The following ADK variants were observed in gnomAD, a reference collection of about 807,000 sequenced individuals.
ADK encodes adenosine kinase.
A neutral mutation model predicts 44.7 loss-of-function variants in ADK; 24 were observed. That is an observed-to-expected ratio of 0.54 (90% CI 0.39 to 0.76). The LOEUF is 0.76. Among genes scored for constraint, ADK ranks in the 30% least tolerant of loss-of-function variants. ADK has a pLI of 0.00. For synonymous variants in ADK, 128 were observed against 142.6 expected (o/e 0.90, Z 0.73); for missense variants, 321 against 425.1 (o/e 0.76, Z 2.15).
intron 1 of ADK, among the ~76,000 whole-genome samples, chr10:74,186,190 T>TCCGTC (rs1842755825): frequency 7.0e-6 from 1 of 143,546 alleles, no homozygotes; most frequent in African/African-American, 2.6e-5. Flanking sequence ...GCCTTCCCTT[T>TCCGTC]CCTTCCCTTC....
intron 9 of ADK, among the ~76,000 whole-genome samples, chr10:74,628,974 G>T (rs952559104): frequency 4.6e-5 from 7 of 152,078 alleles, no homozygotes; most frequent in African/African-American, 1.4e-4. Context: ...TAGAACAGAA[G>T]CTTTGCAGTC....
chr10:74,645,458 T>G (rs1854021881), intron 9 of ADK, among the ~76,000 whole-genome samples: 1 of 152,200 alleles, frequency 6.6e-6, no homozygotes, highest in Non-Finnish European at 1.5e-5. Context: ...AAACATAATA[T>G]TTATTTAATA....
rs574975697 is a variant in ADK at position 74,489,919 on chromosome 10, CTT to C, written c.556-35336_556-35335del. On this transcript the variant is annotated intron_variant, in intron 6 of 10. Transcript: ENST00000539909. ...AATATAATTGGATTTGCAATGCTCT[CTT>C]AAGAGATTCTTTAAAATCATGTGAA... 5.3e-5 allele frequency among the ~76,000 whole-genome samples: 8 copies of C among 151,908 alleles called. No homozygotes were observed. In the South Asian group the frequency reaches 1.2e-3, roughly 24 times the overall value.
chr10:74,257,911 A>G (rs1228622451), intron 3 of ADK, among the ~76,000 whole-genome samples: 1 of 152,196 alleles, frequency 6.6e-6, no homozygotes, highest in Non-Finnish European at 1.5e-5. Flanking sequence ...CCTAATTACC[A>G]TGGCTTTAAA....
intron 1 of ADK, among the ~76,000 whole-genome samples, chr10:74,172,689 C>CAAAAA (rs67914966): frequency 1.5e-5 from 1 of 66,292 alleles, no homozygotes; most frequent in Admixed American, 1.8e-4. Flanking sequence ...AACTCCATCT[C>CAAAAA]AAAAAAAAAA....
intron 6 of ADK, among the ~76,000 whole-genome samples, chr10:74,441,647 T>C (rs1206464860): frequency 6.6e-6 from 1 of 152,150 alleles, no homozygotes; most frequent in Admixed American, 6.5e-5. Flanking sequence ...GTGACACTGG[T>C]CTTGCAATGA....
intron 4 of ADK, among the ~76,000 whole-genome samples, chr10:74,356,002 A>ATTTTTTTT (rs34454856): frequency 2.4e-5 from 2 of 83,308 alleles, no homozygotes; most frequent in African/African-American, 5.1e-5. Flanking sequence ...TAAATAATTC[A>ATTTTTTTT]TTTTTTTTTT....
At chr10:74,450,398 T>G (rs903798596) in intron 6 of ADK, among the ~76,000 whole-genome samples, 3 of 152,216 alleles carry the variant, frequency 2.0e-5, no homozygotes, top group Admixed American at 2.0e-4. Flanking sequence ...GTTCCTCCAC[T>G]AGATTGTAAA....
At chr10:74,188,343 A>ATTTTT (rs765922880) in intron 1 of ADK, among the ~76,000 whole-genome samples, 17 of 81,348 alleles carry the variant, frequency 2.1e-4, no homozygotes, top group East Asian at 3.3e-4. Flanking sequence ...TGTATTTTTA[A>ATTTTT]TTTTTTTTTT....
intron 3 of ADK, 48 bp from the exon 4 acceptor site, chr10:74,314,619 C>A: frequency 7.9e-7 from 1 of 1,271,766 alleles, no homozygotes; most frequent in Non-Finnish European, 1.1e-6. Context: ...TACTTTGTTG[C>A]AACTCACAGA....
intron 3 of ADK, among the ~76,000 whole-genome samples, chr10:74,250,000 T>C (rs1449879302): frequency 6.6e-6 from 1 of 152,162 alleles, no homozygotes; most frequent in African/African-American, 2.4e-5. Flanking sequence ...TTTTTAGTAA[T>C]ATGTGAAGTA....
At chr10:74,299,177 G>A (rs1029866477) in intron 3 of ADK, among the ~76,000 whole-genome samples, 1 of 152,050 alleles carries the variant, frequency 6.6e-6, no homozygotes, top group Non-Finnish European at 1.5e-5. Flanking sequence ...CTGTTAAGAT[G>A]TGTTGCTACT....
intron 7 of ADK, among the ~76,000 whole-genome samples, chr10:74,573,634 C>T (rs1851056394): frequency 6.6e-6 from 1 of 152,204 alleles, no homozygotes; most frequent in Admixed American, 6.5e-5. Context: ...GCAGGCAGGC[C>T]TCCTTGAGCT....
At chr10:74,322,979 A>C (rs1254956958) in intron 4 of ADK, among the ~76,000 whole-genome samples, 3 of 152,228 alleles carry the variant, frequency 2.0e-5, no homozygotes, top group Non-Finnish European at 4.4e-5. Flanking sequence ...CACATATCAC[A>C]GTTATCCACT....
chr10:74,242,249 G>A lies in ADK; in HGVS notation c.194+17658G>A, dbSNP rs533682035. On this transcript the variant is annotated intron_variant, in intron 3 of 10. Coordinates refer to ENST00000539909, the MANE Select transcript of ADK (RefSeq NM_006721.4). ...TTTAATTCCTTTACTTTAAGAAAAAGCATCATAATTAGAAGGGAGAATTGC... is the reference window on the plus strand; with the variant it reads ...TTTAATTCCTTTACTTTAAGAAAAAACATCATAATTAGAAGGGAGAATTGC... Among the ~76,000 whole-genome samples the A allele has an allele frequency of 8.5e-5, 13 of 152,280 alleles. No homozygotes were observed. In the East Asian group the frequency reaches 2.5e-3, roughly 29 times the overall value.
chr10:74,421,443 G>GT (rs964813648), intron 6 of ADK, among the ~76,000 whole-genome samples: 27 of 152,258 alleles, frequency 1.8e-4, no homozygotes, highest in Admixed American at 1.0e-3. Context: ...GGAGATATAA[G>GT]TATTTACTCA....
chr10:74,327,661 G>A (rs1489599020), intron 4 of ADK, among the ~76,000 whole-genome samples: 1 of 151,964 alleles, frequency 6.6e-6, no homozygotes, highest in Admixed American at 6.6e-5. Flanking sequence ...TCTGGGTGAT[G>A]AAATAATCTG....
chr10:74,512,330 C>T (rs181309310), intron 6 of ADK, among the ~76,000 whole-genome samples: 117 of 149,748 alleles, frequency 7.8e-4, no homozygotes, highest in African/African-American at 2.8e-3. Flanking sequence ...GGAAGTATTT[C>T]CTCTGCTTCA....
At chr10:74,618,574 C>T (rs1852863827) in intron 9 of ADK, among the ~76,000 whole-genome samples, 1 of 152,192 alleles carries the variant, frequency 6.6e-6, no homozygotes, top group South Asian at 2.1e-4. Flanking sequence ...CAGGAGTGAG[C>T]CATCGTGCCC....
Sources: gnomAD v4.1 joint callset for allele counts (sites outside exome capture counted in the v4.1 genomes callset) on GRCh38, gnomAD v4.1.1 for gene constraint, MANE v1.5 for transcripts, NCBI Gene and HGNC (gene_info 2026-07-23, HGNC 2026-07-21) for gene names.